PPIL4: variants seen among roughly 807,000 people sequenced by gnomAD.
PPIL4 encodes peptidyl-prolyl cis-trans isomerase-like 4.
In PPIL4, 50 loss-of-function variants were observed where a neutral mutation model predicts 69.1. That is an observed-to-expected ratio of 0.72 (90% CI 0.58 to 0.92). PPIL4 has a LOEUF of 0.92. Ranked by LOEUF, PPIL4 falls within the 40% of genes least tolerant of loss-of-function variation. The probability of loss-of-function intolerance (pLI) is 0.00; values close to 1 mark genes in which losing one functional copy is unlikely to be tolerated. For missense variants in PPIL4, 480 were observed against 587.9 expected, an observed-to-expected ratio of 0.82 and a Z score of 1.90; for synonymous variants, 193 against 191.6, an observed-to-expected ratio of 1.01 and a Z score of -0.06.
intron 10 of PPIL4, among the ~76,000 whole-genome samples, chr6:149,519,814 T>C (rs1777002938): frequency 6.6e-6 from 1 of 152,166 alleles, no homozygotes. Flanking sequence ...GCATGGGAAA[T>C]AAGTGTTATA....
intron 8 of PPIL4, among the ~76,000 whole-genome samples, 177 bp downstream of exon 8, chr6:149,526,475 T>C (rs776576074): frequency 1.3e-5 from 2 of 152,190 alleles, no homozygotes; most frequent in Admixed American, 6.5e-5. Flanking sequence ...CACGTATGTA[T>C]GTATGTCTAC....
rs1179412145 is a variant in PPIL4 at position 149,512,253 on chromosome 6, T to C, written c.1129A>G (p.Ser377Gly). The C allele has an allele frequency of 1.9e-6, 3 of 1,613,186 alleles. No individual in the cohort carries two copies. The highest frequency in any genetic ancestry group is 2.5e-6 in the Non-Finnish European group (3 of 1,179,406). The change falls in exon 12 of 13, where the codon AGT (serine) becomes GGT (glycine). Residue 377 changes from serine to glycine, a missense_variant. By Grantham distance (56) the Ser-to-Gly change is moderately conservative. Coordinates refer to ENST00000253329, the MANE Select transcript of PPIL4 (RefSeq NM_139126.4). ...LDEQAEDSKS[S>G]HSHTSKKHKK... The stretch of plus-strand genomic sequence containing the variant: ...TGTTTTTTACTTGTGTGTGAGTGAC[T>C]TGATTTTGAGTCTTCGGCCTGCTCA...
rs1251974955 is a variant in PPIL4, at chr6:149,504,541, A to G, written c.*912T>C. On this transcript the variant is annotated 3_prime_UTR_variant, in exon 13 of 13. Transcript: ENST00000253329. Reference sequence around the variant, plus strand: ...ACAACCAGTGACAGAAAACCTTAAAAGCAGCCAGGAAAAAAATGACATCTT... The same window carrying G: ...ACAACCAGTGACAGAAAACCTTAAAGGCAGCCAGGAAAAAAATGACATCTT... Among the ~76,000 whole-genome samples, 2 of 152,230 alleles carry G rather than the reference A, an allele frequency of 1.3e-5. No homozygotes were observed. Among genetic ancestry groups the G allele is most frequent in the Admixed American group, 6.5e-5 (1 of 15,284 alleles).
intron 12 of PPIL4, among the ~76,000 whole-genome samples, chr6:149,508,157 A>G (rs528910056): frequency 1.3e-5 from 2 of 152,338 alleles, no homozygotes; most frequent in African/African-American, 4.8e-5. Context: ...CAGGTTGGAG[A>G]TAATTTAACT....
At chr6:149,528,950 C>T (rs1282678548) in intron 7 of PPIL4, among the ~76,000 whole-genome samples, 2 of 152,138 alleles carry the variant, frequency 1.3e-5, no homozygotes, top group East Asian at 3.8e-4. Context: ...AGCTATCAGC[C>T]ATGCATGGTG....
chr6:149,535,731 A>G lies in PPIL4; in HGVS notation c.329T>C (p.Ile110Thr). ...GSDQHGSQFL[I>T]TTGENLDYLD... is the part of the protein sequence containing the mutation. ...ATAATCTAGATTTTCTCCTGTGGTG[A>G]TAAGAAACTATAAAGAAGGACACAT... Residue 110 changes from isoleucine to threonine, a missense_variant, in exon 5 of 13, where the codon ATC becomes ACC. Coordinates refer to ENST00000253329, the MANE Select transcript of PPIL4 (RefSeq NM_139126.4). The G allele has an allele frequency of 1.3e-6, 2 of 1,594,474 alleles. No homozygotes were observed. Among genetic ancestry groups the G allele is most frequent in the Non-Finnish European group, 1.7e-6 (2 of 1,167,998 alleles).
chr6:149,545,860 GGACT>G, intron 1 of PPIL4, 72 bp downstream of exon 1: 1 of 1,361,016 alleles, frequency 7.3e-7, no homozygotes, highest in South Asian at 1.2e-5. Context: ...TCTCTGCCCT[GGACT>G]GCGCAGAGAA....
intron 12 of PPIL4, among the ~76,000 whole-genome samples, chr6:149,511,817 G>A (rs1776847892): frequency 6.6e-6 from 1 of 152,136 alleles, no homozygotes; most frequent in Non-Finnish European, 1.5e-5. Context: ...AACACTTGGT[G>A]ATAAATTAAG....
Position 149,530,559 on chromosome 6 carries a change from T to C in PPIL4, c.678+2899A>G, listed in dbSNP as rs563195536. Among the ~76,000 whole-genome samples, 26 of 152,038 alleles carry C rather than the reference T, an allele frequency of 1.7e-4. No individual in the cohort carries two copies. The East Asian group carries it at 3.7e-3, about 22-fold the overall frequency. ...CTATAATCCCTGCTACCCAGGAGGC[T>C]GAGGCAGGAGAATCGCTTAAACCTG... On this transcript the variant is annotated intron_variant, in intron 7 of 12. Coordinates refer to ENST00000253329, the MANE Select transcript of PPIL4 (RefSeq NM_139126.4).
intron 7 of PPIL4, among the ~76,000 whole-genome samples, chr6:149,527,330 C>T (rs564717110): frequency 2.6e-5 from 4 of 152,090 alleles, no homozygotes; most frequent in Admixed American, 1.3e-4. Flanking sequence ...CCAGCCTGGG[C>T]GACAGAGCAA....
chr6:149,540,298 C>T (rs77365538), intron 4 of PPIL4, among the ~76,000 whole-genome samples: 7 of 152,050 alleles, frequency 4.6e-5, no homozygotes, highest in Non-Finnish European at 7.4e-5. Flanking sequence ...AGGTACTCTG[C>T]GTAATGTTTT....
chr6:149,509,671 A>G (rs1435616365), intron 12 of PPIL4, among the ~76,000 whole-genome samples: 1 of 152,182 alleles, frequency 6.6e-6, no homozygotes, highest in Non-Finnish European at 1.5e-5. Context: ...TTAAAATAAC[A>G]TTAGAGTTTA....
chr6:149,520,829 G>A (rs1285570214), intron 10 of PPIL4, among the ~76,000 whole-genome samples: 3 of 151,824 alleles, frequency 2.0e-5, no homozygotes, highest in African/African-American at 2.4e-5. Context: ...CCTGGCCAAC[G>A]TGGTGAAACC....
At chr6:149,507,192 T>A (rs932561555) in intron 12 of PPIL4, among the ~76,000 whole-genome samples, 2 of 152,224 alleles carry the variant, frequency 1.3e-5, no homozygotes, top group African/African-American at 4.8e-5. Flanking sequence ...GGTTAAGGAC[T>A]GGGTTTTAAG....
intron 9 of PPIL4, among the ~76,000 whole-genome samples, chr6:149,524,508 C>T (rs539851160): frequency 6.6e-6 from 1 of 152,322 alleles, no homozygotes; most frequent in African/African-American, 2.4e-5. Context: ...TAAATCTTAA[C>T]ACCCAGTTCA....
intron 10 of PPIL4, among the ~76,000 whole-genome samples, chr6:149,519,804 G>A: frequency 6.6e-6 from 1 of 152,128 alleles, no homozygotes; most frequent in South Asian, 2.1e-4. Context: ...TTCATTAAAA[G>A]CATGGGAAAT....
At chr6:149,516,751 C>A (rs926271912) in intron 11 of PPIL4, among the ~76,000 whole-genome samples, 2 of 152,072 alleles carry the variant, frequency 1.3e-5, no homozygotes, top group Non-Finnish European at 2.9e-5. Flanking sequence ...TCAGTAGAAG[C>A]CCAATAAATA....
chr6:149,532,469 G>T (rs562808073), intron 7 of PPIL4, among the ~76,000 whole-genome samples: 51 of 151,894 alleles, frequency 3.4e-4, no homozygotes, highest in African/African-American at 1.2e-3. Flanking sequence ...CTTGGTGTTG[G>T]GTGTTCAGAG....
chr6:149,511,813 T>G (rs1365833258), intron 12 of PPIL4, among the ~76,000 whole-genome samples: 1 of 152,184 alleles, frequency 6.6e-6, no homozygotes, highest in Non-Finnish European at 1.5e-5. Flanking sequence ...ACATAACACT[T>G]GGTGATAAAT....
Sources: allele counts gnomAD v4.1 joint callset (sites outside exome capture counted in the v4.1 genomes callset), GRCh38; gene constraint gnomAD v4.1.1; transcripts MANE v1.5; gene names NCBI Gene and HGNC (gene_info 2026-07-23, HGNC 2026-07-21).